APOO: variants seen among roughly 807,000 people sequenced by gnomAD.
The protein encoded by APOO is apolipoprotein O.
APOO carries 11 observed loss-of-function variants against 23.1 expected under a neutral mutation model. The ratio of observed to expected loss-of-function variants is 0.48; its 90% confidence interval spans 0.30 to 0.79. The LOEUF (loss-of-function observed/expected upper bound fraction) is 0.79. APOO is among the 30% of genes least tolerant of loss of function. APOO has a pLI of 0.07. For missense variants in APOO, 160 were observed against 142.7 expected (o/e 1.12, Z -0.62); for synonymous variants, 59 against 54.8 (o/e 1.08, Z -0.34).
At chrX:23,886,323 G>A (rs5925957) in intron 1 of APOO, among the ~76,000 whole-genome samples, 13,076 of 111,369 alleles carry the variant, frequency 0.12, 884 homozygotes, top group South Asian at 0.51. Context: ...GAGTTGGAAG[G>A]AAGTGGACTT....
intron 1 of APOO, among the ~76,000 whole-genome samples, chrX:23,907,442 T>G (rs2147059803): frequency 8.9e-6 from 1 of 112,273 alleles, no homozygotes; most frequent in South Asian, 3.6e-4. Context: ...ATTTTCAAAG[T>G]GTTTAATTCA....
At chrX:23,860,144 TGAG>T (rs887214844) in intron 5 of APOO, among the ~76,000 whole-genome samples, 5 of 110,961 alleles carry the variant, frequency 4.5e-5, no homozygotes, top group South Asian at 3.8e-4. Context: ...CTTGAAATCT[TGAG>T]GAGGAGTGCA....
chrX:23,895,389 C>T (rs924927673), intron 1 of APOO, among the ~76,000 whole-genome samples: 10 of 111,393 alleles, frequency 9.0e-5, no homozygotes, highest in African/African-American at 2.9e-4. Flanking sequence ...TCTCAGCAAA[C>T]TAACACAGGA....
intron 7 of APOO, among the ~76,000 whole-genome samples, chrX:23,854,935 G>A (rs1924713542): frequency 9.0e-6 from 1 of 110,981 alleles, no homozygotes; most frequent in Admixed American, 9.7e-5. Flanking sequence ...TCTTGATATT[G>A]GTATAGAATT....
chrX:23,878,799 T>G, intron 3 of APOO, 116 bp downstream of exon 3: 1 of 963,710 alleles, frequency 1.0e-6, no homozygotes, highest in Non-Finnish European at 1.4e-6. Context: ...CCAGCCTCTG[T>G]CAACCATCTC....
intron 7 of APOO, among the ~76,000 whole-genome samples, chrX:23,846,279 C>A (rs1165529932): frequency 1.0e-5 from 1 of 98,302 alleles, no homozygotes; most frequent in Non-Finnish European, 2.0e-5. Flanking sequence ...CCATTACACT[C>A]CAGCCTGGGC....
chrX:23,862,759 G>A (rs1240864904), intron 5 of APOO, among the ~76,000 whole-genome samples: 1 of 100,806 alleles, frequency 9.9e-6, no homozygotes, highest in Non-Finnish European at 2.0e-5. Context: ...GGGTGACAGA[G>A]TGAGATCATC....
chrX:23,854,350 G>C (rs1924684645), intron 7 of APOO, among the ~76,000 whole-genome samples: 2 of 111,763 alleles, frequency 1.8e-5, no homozygotes, highest in Admixed American at 9.5e-5. Context: ...GGAGCCTGGG[G>C]GACTCCCTCT....
At chrX:23,859,600 T>C (rs1273899462) in intron 5 of APOO, among the ~76,000 whole-genome samples, 2 of 111,252 alleles carry the variant, frequency 1.8e-5, no homozygotes, top group African/African-American at 3.3e-5. Context: ...CACGCCACCA[T>C]GCCCGGCTAA....
In APOO at chrX:23,856,389, A is replaced by G; in HGVS notation, c.481-7T>C. 8.5e-7 allele frequency: 1 copy of G among 1,178,950 alleles called. No individual in the cohort carries two copies. Among genetic ancestry groups the G allele is most frequent in the East Asian group, 3.0e-5 (1 of 33,693 alleles). ...ATAATCTCTCCCCACTGACCTTAAA[A>G]CAAAATAGAAAAGATCTTACCATCT... On this transcript the variant is annotated splice_polypyrimidine_tract_variant and splice_region_variant and intron_variant, in intron 6 of 8. Transcript: ENST00000379226.
chrX:23,834,871 G>A (rs1288860763), intron 8 of APOO, among the ~76,000 whole-genome samples: 2 of 107,707 alleles, frequency 1.9e-5, no homozygotes, highest in Non-Finnish European at 3.8e-5. Flanking sequence ...ACAGGTGCCC[G>A]CCACCACACC....
At chrX:23,848,095 G>A (rs768382329) in intron 7 of APOO, among the ~76,000 whole-genome samples, 8 of 107,416 alleles carry the variant, frequency 7.4e-5, no homozygotes, top group Admixed American at 2.0e-4. Context: ...GGATGGTCTC[G>A]ATCTCCTGAC....
intron 5 of APOO, among the ~76,000 whole-genome samples, chrX:23,863,243 AGAATCAC>A (rs1925175842): frequency 1.8e-5 from 2 of 112,040 alleles, no homozygotes; most frequent in Non-Finnish European, 3.8e-5. Context: ...TTGAGGCGTG[AGAATCAC>A]TTGAACCCAG....
intron 1 of APOO, among the ~76,000 whole-genome samples, chrX:23,901,892 A>T (rs760221668): frequency 8.9e-6 from 1 of 112,340 alleles, no homozygotes; most frequent in East Asian, 2.8e-4. Flanking sequence ...AGGTCTTAAC[A>T]CTGTTCTGAA....
At chrX:23,843,545 T>C (rs373776779) in intron 7 of APOO, among the ~76,000 whole-genome samples, 1 of 110,509 alleles carries the variant, frequency 9.0e-6, no homozygotes, top group South Asian at 3.8e-4. Context: ...AGTTTTTATT[T>C]TCTTACCACG....
At chrX:23,870,118 T>C (rs768265238) in intron 4 of APOO, among the ~76,000 whole-genome samples, 57 of 111,510 alleles carry the variant, frequency 5.1e-4, no homozygotes, top group African/African-American at 1.7e-3. Flanking sequence ...TTGATGGTGA[T>C]AGAATAAAAA....
intron 5 of APOO, among the ~76,000 whole-genome samples, chrX:23,865,172 G>C (rs151332696): frequency 0.015 from 1,705 of 111,497 alleles, 30 homozygotes; most frequent in African/African-American, 0.052. Flanking sequence ...CAACAACCAC[G>C]TGTCATCTTG....
chrX:23,845,854 T>C (rs1332843927), intron 7 of APOO, among the ~76,000 whole-genome samples: 1 of 112,439 alleles, frequency 8.9e-6, no homozygotes, highest in African/African-American at 3.2e-5. Context: ...AACAGGTTTA[T>C]GCTTCTTTAT....
intron 7 of APOO, among the ~76,000 whole-genome samples, chrX:23,845,752 C>G (rs1173543714): frequency 8.9e-6 from 1 of 112,250 alleles, no homozygotes; most frequent in African/African-American, 3.2e-5. Context: ...GTGGCTGCTG[C>G]TTCCCTTTCA....
Sources: gnomAD v4.1 joint callset for allele counts (sites outside exome capture counted in the v4.1 genomes callset) on GRCh38, gnomAD v4.1.1 for gene constraint, MANE v1.5 for transcripts, NCBI Gene and HGNC (gene_info 2026-07-23, HGNC 2026-07-21) for gene names.